The following MYO3B variants were observed in gnomAD, a reference collection of about 807,000 sequenced individuals.
MYO3B encodes myosin-IIIb.
Under a neutral mutation model 174.6 loss-of-function variants are expected in MYO3B, and 156 were observed. That is an observed-to-expected ratio of 0.89 (90% confidence interval 0.78 to 1.02). The LOEUF (loss-of-function observed/expected upper bound fraction) is 1.02. Among genes scored for constraint, MYO3B ranks in the 50% least tolerant of loss-of-function variants. MYO3B has a pLI of 0.00. For synonymous variants in MYO3B, 563 were observed against 569.1 expected, an observed-to-expected ratio of 0.99 and a Z score of 0.15; for missense variants, 1,632 against 1,639.4, an observed-to-expected ratio of 1.00 and a Z score of 0.08.
chr2:170,413,769 G>A (rs969343993), intron 22 of MYO3B, among the ~76,000 whole-genome samples: 4 of 152,140 alleles, frequency 2.6e-5, no homozygotes, highest in African/African-American at 4.8e-5. Context: ...GCCGGGTGCG[G>A]TGGCTCATGC....
chr2:170,619,775 C>G lies in MYO3B; in HGVS notation c.3734-31853C>G, dbSNP rs1282545888. ...TTTTTTTTTTTTTTTGAGACAGAGT[C>G]TCGTTCTGTTGCCCAAGCTAGAGTG... On this transcript the variant is annotated intron_variant, in intron 32 of 34. Transcript: ENST00000408978. Among the ~76,000 whole-genome samples, 12 of 38,858 alleles carry G rather than the reference C, an allele frequency of 3.1e-4. No individual in the cohort carries two copies. The Admixed American group carries it at 4.4e-3, about 14-fold the overall frequency. The allele number at this position is 38,858 out of a possible 152,430, so 25.5% of individuals were successfully genotyped here.
intron 7 of MYO3B, among the ~76,000 whole-genome samples, chr2:170,256,840 G>A (rs920256673): frequency 1.3e-5 from 2 of 152,078 alleles, no homozygotes; most frequent in African/African-American, 4.8e-5. Context: ...AGACCCAACT[G>A]TCTGCTGACT....
intron 7 of MYO3B, among the ~76,000 whole-genome samples, chr2:170,303,478 C>T (rs2093679556): frequency 6.6e-6 from 1 of 151,950 alleles, no homozygotes. Context: ...TATAATTTTT[C>T]TTAACTTTTG....
intron 7 of MYO3B, among the ~76,000 whole-genome samples, chr2:170,279,807 T>A (rs2093493403): frequency 6.6e-6 from 1 of 152,200 alleles, no homozygotes; most frequent in African/African-American, 2.4e-5. Flanking sequence ...CATTACTTTT[T>A]ATGGCTGTAT....
In MYO3B at chr2:170,214,486, A is replaced by G. The variant is rs1319207006; in HGVS notation, c.426+3A>G. ...ACATCTTGTACGGGGCCCTCTTGGT[A>G]AGAACATCTATCAAATGGGGTATGA... On this transcript the variant is annotated splice_donor_region_variant and intron_variant, in intron 4 of 34. Coordinates refer to ENST00000408978, the MANE Select transcript of MYO3B (RefSeq NM_138995.5). The G allele has an allele frequency of 6.2e-7, 1 of 1,613,326 alleles. No individual in the cohort carries two copies. The highest frequency in any genetic ancestry group is 8.5e-7 in the Non-Finnish European group (1 of 1,179,288).
chr2:170,302,341 A>G (rs1310796972), intron 7 of MYO3B, among the ~76,000 whole-genome samples: 2 of 152,220 alleles, frequency 1.3e-5, no homozygotes, highest in Non-Finnish European at 2.9e-5. Flanking sequence ...TTCTAAATAG[A>G]AAAAACCCCA....
chr2:170,395,282 C>T (rs2094436825), intron 16 of MYO3B, among the ~76,000 whole-genome samples: 1 of 152,144 alleles, frequency 6.6e-6, no homozygotes, highest in South Asian at 2.1e-4. Context: ...GGAGCCAAAC[C>T]ATACTATTTT....
chr2:170,385,087 A>G (rs1019887945), intron 12 of MYO3B, among the ~76,000 whole-genome samples: 2 of 152,088 alleles, frequency 1.3e-5, no homozygotes, highest in African/African-American at 4.8e-5. Flanking sequence ...ACAGCCAAAT[A>G]GAAGAGACAC....
intron 6 of MYO3B, among the ~76,000 whole-genome samples, chr2:170,228,909 T>A (rs1467104985): frequency 8.3e-6 from 1 of 120,092 alleles, no homozygotes; most frequent in Non-Finnish European, 1.6e-5. Flanking sequence ...TGAAAGACCA[T>A]CCCCCTGCCA....
chr2:170,595,697 C>T (rs535517203), intron 32 of MYO3B, among the ~76,000 whole-genome samples: 7 of 152,286 alleles, frequency 4.6e-5, no homozygotes, highest in African/African-American at 1.7e-4. Context: ...CTTGGCCTCC[C>T]AAGGTGCTGG....
At chr2:170,234,512 A>G (rs2093050018) in intron 6 of MYO3B, among the ~76,000 whole-genome samples, 1 of 152,196 alleles carries the variant, frequency 6.6e-6, no homozygotes, top group South Asian at 2.1e-4. Context: ...TGGGGATTAA[A>G]TTTCTAACAC....
intron 7 of MYO3B, among the ~76,000 whole-genome samples, chr2:170,274,753 A>G (rs2093451650): frequency 6.6e-6 from 1 of 152,226 alleles, no homozygotes. Context: ...CTTTTACTGT[A>G]TGTAAATTTT....
intron 32 of MYO3B, among the ~76,000 whole-genome samples, chr2:170,570,065 G>A (rs545507229): frequency 1.4e-4 from 22 of 152,070 alleles, no homozygotes; most frequent in Non-Finnish European, 2.6e-4. Context: ...ACTAGAAGAG[G>A]GTTAAGGAGA....
rs543697737 is a variant in MYO3B, at chr2:170,190,432, T to C, written c.3-8776T>C. 1.6e-4 allele frequency among the ~76,000 whole-genome samples: 24 copies of C among 152,258 alleles called. No homozygotes were observed. The East Asian group carries it at 4.1e-3, about 26-fold the overall frequency. ...GCCAGCTAGGTTTGTGTCCTTCCCC[T>C]GTAGGGCAGCAAGATCCCCCTGGTC... On this transcript the variant is annotated intron_variant, in intron 1 of 34. Coordinates refer to ENST00000408978, the MANE Select transcript of MYO3B (RefSeq NM_138995.5).
chr2:170,355,787 C>A (rs139463399), intron 8 of MYO3B, among the ~76,000 whole-genome samples: 1 of 152,234 alleles, frequency 6.6e-6, no homozygotes, highest in East Asian at 1.9e-4. Flanking sequence ...AGACATTCAA[C>A]GTGTCAGGAA....
At chr2:170,440,617 G>A (rs2094792493) in intron 22 of MYO3B, among the ~76,000 whole-genome samples, 1 of 151,432 alleles carries the variant, frequency 6.6e-6, no homozygotes, top group African/African-American at 2.4e-5. Flanking sequence ...GCTGGGATTG[G>A]TGGCGCGTGC....
intron 22 of MYO3B, among the ~76,000 whole-genome samples, chr2:170,412,811 A>T (rs938842794): frequency 6.6e-6 from 1 of 152,248 alleles, no homozygotes; most frequent in Non-Finnish European, 1.5e-5. Flanking sequence ...TCAGGGCCAC[A>T]GACATGGATA....
At chr2:170,424,476 G>C (rs1236861594) in intron 22 of MYO3B, among the ~76,000 whole-genome samples, 1 of 152,138 alleles carries the variant, frequency 6.6e-6, no homozygotes, top group Non-Finnish European at 1.5e-5. Context: ...AATTAGCTGG[G>C]CATGTTGGTG....
intron 30 of MYO3B, among the ~76,000 whole-genome samples, chr2:170,520,942 T>C (rs116452398): frequency 0.014 from 2,157 of 152,258 alleles, 53 homozygotes; most frequent in African/African-American, 0.049. Flanking sequence ...GAAGGCCTAA[T>C]AGAATGAAAC....
Sources: allele counts gnomAD v4.1 joint callset (sites outside exome capture counted in the v4.1 genomes callset), GRCh38; gene constraint gnomAD v4.1.1; transcripts MANE v1.5; gene names NCBI Gene and HGNC (gene_info 2026-07-23, HGNC 2026-07-21).